UNC13C: variants seen among roughly 807,000 people sequenced by gnomAD.
UNC13C encodes the protein protein unc-13 homolog C.
In UNC13C, 174 loss-of-function variants were observed where a neutral mutation model predicts 245.4. The observed-to-expected ratio is 0.71, with a 90% CI of 0.63 to 0.80. The LOEUF (loss-of-function observed/expected upper bound fraction) is 0.80, where lower values mean the gene tolerates loss of function less well. Among genes scored for constraint, UNC13C ranks in the 30% least tolerant of loss-of-function variants. UNC13C has a pLI of 0.00. For missense variants in UNC13C, 2,829 were observed against 2,602.9 expected (o/e 1.09, Z -1.89); for synonymous variants, 992 against 895.1 (o/e 1.11, Z -1.93).
intron 17 of UNC13C, among the ~76,000 whole-genome samples, chr15:54,367,764 A>G (rs1300644978): frequency 6.6e-6 from 1 of 152,132 alleles, no homozygotes; most frequent in African/African-American, 2.4e-5. Flanking sequence ...GTTCTGTCCC[A>G]CAAAATTGTC....
chr15:54,274,863 G>T (rs2036789889), intron 10 of UNC13C, among the ~76,000 whole-genome samples: 1 of 151,710 alleles, frequency 6.6e-6, no homozygotes, highest in South Asian at 2.1e-4. Context: ...GTAGAGACAG[G>T]GTTTCACCAT....
intron 1 of UNC13C, among the ~76,000 whole-genome samples, chr15:53,999,324 T>C (rs1180047823): frequency 2.0e-5 from 3 of 151,792 alleles, no homozygotes; most frequent in Admixed American, 2.0e-4. Flanking sequence ...AAGATATATA[T>C]ACATAGAGAA....
At chr15:54,509,500 G>A (rs1894641696) in intron 23 of UNC13C, among the ~76,000 whole-genome samples, 1 of 151,986 alleles carries the variant, frequency 6.6e-6, no homozygotes, top group South Asian at 2.1e-4. Context: ...TATTCACTAT[G>A]TTTCAGTTTC....
At chr15:54,307,607 G>A (rs2037760486) in intron 13 of UNC13C, among the ~76,000 whole-genome samples, 1 of 151,898 alleles carries the variant, frequency 6.6e-6, no homozygotes, top group South Asian at 2.1e-4. Context: ...GGGCTATAAG[G>A]GCATAGGTAT....
At chr15:54,444,600 T>C (rs1208109950) in intron 19 of UNC13C, among the ~76,000 whole-genome samples, 3 of 151,748 alleles carry the variant, frequency 2.0e-5, no homozygotes, top group Non-Finnish European at 4.4e-5. Flanking sequence ...TGTATATCCT[T>C]TGTTTCACTT....
intron 2 of UNC13C, among the ~76,000 whole-genome samples, chr15:54,142,699 G>T (rs1205642663): frequency 6.6e-6 from 1 of 152,130 alleles, no homozygotes; most frequent in East Asian, 1.9e-4. Flanking sequence ...TATCCAATGT[G>T]TCTAGTAAGT....
chr15:54,455,049 A>G (rs995153600), intron 19 of UNC13C, among the ~76,000 whole-genome samples: 1 of 151,004 alleles, frequency 6.6e-6, no homozygotes, highest in Non-Finnish European at 1.5e-5. Context: ...AAGTGAGAAC[A>G]TAGGATCTTT....
At chr15:54,520,479 G>A (rs570107992) in intron 24 of UNC13C, among the ~76,000 whole-genome samples, 32 of 152,158 alleles carry the variant, frequency 2.1e-4, no homozygotes, top group Non-Finnish European at 4.6e-4. Flanking sequence ...ATGCTGTTAA[G>A]AATGTTGATA....
the UNC13C span, among the ~76,000 whole-genome samples, chr15:53,861,936 C>T: frequency 1.3e-5 from 2 of 152,270 alleles, no homozygotes; most frequent in South Asian, 4.1e-4. Flanking sequence ...CAGTCCTTGC[C>T]TGGTATGTTG....
chr15:54,472,908 T>G (rs1892534945), intron 19 of UNC13C, among the ~76,000 whole-genome samples: 1 of 151,958 alleles, frequency 6.6e-6, no homozygotes, highest in Admixed American at 6.6e-5. Flanking sequence ...ACAGATTTGT[T>G]GCATGGGTAT....
chr15:53,847,832 T>C, the UNC13C span, among the ~76,000 whole-genome samples: 1 of 152,192 alleles, frequency 6.6e-6, no homozygotes, highest in African/African-American at 2.4e-5. Context: ...TTTCTTTGCC[T>C]ACTCAGGACC....
intron 30 of UNC13C, among the ~76,000 whole-genome samples, chr15:54,593,141 C>G (rs1454943743): frequency 1.3e-5 from 2 of 152,244 alleles, no homozygotes; most frequent in South Asian, 4.1e-4. Context: ...AGGGCCCAAT[C>G]CCTTTTAGCT....
intron 10 of UNC13C, among the ~76,000 whole-genome samples, chr15:54,288,999 G>T (rs1033789075): frequency 7.9e-5 from 12 of 152,094 alleles, no homozygotes; most frequent in African/African-American, 2.9e-4. Flanking sequence ...ACCTCTTAAA[G>T]GATGGTGCTG....
intron 4 of UNC13C, 34 bp downstream of exon 4, chr15:54,143,718 T>C: frequency 6.4e-7 from 1 of 1,551,790 alleles, no homozygotes; most frequent in Non-Finnish European, 8.9e-7. Context: ...ATTTATTCCA[T>C]TCATAGATGG....
At chr15:54,282,970 G>T (rs916777100) in intron 10 of UNC13C, among the ~76,000 whole-genome samples, 2 of 151,972 alleles carry the variant, frequency 1.3e-5, no homozygotes, top group African/African-American at 4.8e-5. Flanking sequence ...TTGTGAGTAT[G>T]CAAAAAAGGT....
At chr15:54,530,001 A>G (rs1171369772) in intron 25 of UNC13C, among the ~76,000 whole-genome samples, 1 of 152,174 alleles carries the variant, frequency 6.6e-6, no homozygotes. Context: ...AGAACCATCA[A>G]AACTGGTGTA....
At chr15:53,848,720 G>A in the UNC13C span, among the ~76,000 whole-genome samples, 5 of 152,086 alleles carry the variant, frequency 3.3e-5, no homozygotes, top group African/African-American at 1.2e-4. Flanking sequence ...AGAATATGAA[G>A]TACTGACATC....
chr15:53,870,481 C>T, the UNC13C span, among the ~76,000 whole-genome samples: 1 of 144,622 alleles, frequency 6.9e-6, no homozygotes, highest in Non-Finnish European at 1.5e-5. Flanking sequence ...TGGGTGAGTG[C>T]CTCATCCCAG....
intron 19 of UNC13C, among the ~76,000 whole-genome samples, chr15:54,441,926 AT>A (rs546399204): frequency 6.5e-4 from 99 of 151,576 alleles, no homozygotes; most frequent in African/African-American, 2.1e-3. Flanking sequence ...ATTCTTAGGT[AT>A]TTTTTTGTAG....
Sources: gnomAD v4.1 joint callset for allele counts (sites outside exome capture counted in the v4.1 genomes callset) on GRCh38, gnomAD v4.1.1 for gene constraint, MANE v1.5 for transcripts, NCBI Gene and HGNC (gene_info 2026-07-23, HGNC 2026-07-21) for gene names.